The following TOP2A variants were observed in gnomAD, a reference collection of about 807,000 sequenced individuals.
TOP2A encodes the protein DNA topoisomerase 2-alpha.
A neutral mutation model predicts 187.2 loss-of-function variants in TOP2A; 68 were observed. That is an observed-to-expected ratio of 0.36 (90% CI 0.30 to 0.44). The LOEUF (loss-of-function observed/expected upper bound fraction) is 0.44, where lower values mean the gene tolerates loss of function less well. Among genes scored for constraint, TOP2A ranks in the 20% least tolerant of loss-of-function variants. The probability of loss-of-function intolerance (pLI) is 1.00; values close to 1 mark genes in which losing one functional copy is unlikely to be tolerated. For missense variants in TOP2A, 1,196 were observed against 1,808.7 expected, an observed-to-expected ratio of 0.66 and a Z score of 6.14; for synonymous variants, 542 against 593.2, an observed-to-expected ratio of 0.91 and a Z score of 1.25.
At chr17:40,390,193 G>A (rs1182788027) in intron 33 of TOP2A, 29 bp from the exon 34 acceptor site, 2 of 1,577,930 alleles carry the variant, frequency 1.3e-6, no homozygotes, top group Non-Finnish European at 1.7e-6. Flanking sequence ...ATTTGTCACA[G>A]CTGCTCTTTT....
At chr17:40,415,343 C>T (rs920797987) in intron 4 of TOP2A, among the ~76,000 whole-genome samples, 11 of 152,230 alleles carry the variant, frequency 7.2e-5, no homozygotes, top group Middle Eastern at 6.8e-3. Context: ...CATGAGCCAC[C>T]GTGCCTGGCC....
At chr17:40,403,870 T>C (rs987595442) in intron 19 of TOP2A, among the ~76,000 whole-genome samples, 1 of 152,236 alleles carries the variant, frequency 6.6e-6, no homozygotes, top group African/African-American at 2.4e-5. Context: ...CAATTTATTA[T>C]AACAATTTTC....
intron 33 of TOP2A, 27 bp from the exon 34 acceptor site, chr17:40,390,191 C>T: frequency 6.3e-7 from 1 of 1,581,382 alleles, no homozygotes; most frequent in African/African-American, 1.4e-5. Flanking sequence ...GCATTTGTCA[C>T]AGCTGCTCTT....
At chr17:40,390,782 C>T (rs1259714722) in intron 33 of TOP2A, among the ~76,000 whole-genome samples, 1 of 151,892 alleles carries the variant, frequency 6.6e-6, no homozygotes, top group African/African-American at 2.4e-5. Context: ...TGTGCCACCA[C>T]ACCTGGCTAA....
rs766110857 is a variant in TOP2A at position 40,398,630 on chromosome 17, C to T, written c.3465G>A (p.Leu1155=). The T allele has an allele frequency of 2.5e-6, 4 of 1,597,330 alleles. No homozygotes were observed. The South Asian group carries it at 3.4e-5, about 13-fold the overall frequency. The change falls in exon 27 of 35, where the codon CTG becomes CTA. Residue 1155 remains leucine (L), a synonymous_variant. Transcript: ENST00000423485. ...ATGGACTCTTTCTTTTTAATGTGTCCAGCTCTTGTTCCTTCATAAGATAAT... is the reference window on the plus strand; with the variant it reads ...ATGGACTCTTTCTTTTTAATGTGTCTAGCTCTTGTTCCTTCATAAGATAAT... ...CRLRNEKEQE[L]DTLKRKSPSD... is the part of the protein sequence containing the mutation.
chr17:40,409,720 C>A, intron 10 of TOP2A: 1 of 199,924 alleles, frequency 5.0e-6, no homozygotes, highest in Non-Finnish European at 1.0e-5. Flanking sequence ...GCAGAGATTG[C>A]AATGAGCCAG....
chr17:40,403,756 GTC>G (rs1048863444), intron 19 of TOP2A, among the ~76,000 whole-genome samples: 18 of 152,252 alleles, frequency 1.2e-4, no homozygotes, highest in African/African-American at 4.3e-4. Context: ...TTATTGTTCT[GTC>G]TCTTTTTTTC....
chr17:40,393,883 C>T (rs188592005), intron 29 of TOP2A, among the ~76,000 whole-genome samples: 104 of 152,148 alleles, frequency 6.8e-4, no homozygotes, highest in African/African-American at 2.4e-3. Flanking sequence ...TGGTGAAACC[C>T]TGTTTCTACT....
In TOP2A at chr17:40,389,611, A is replaced by C; in HGVS notation, c.4504T>G (p.Phe1502Val). The change falls in exon 35 of 35, where the codon TTT becomes GTT. Residue 1502 changes from phenylalanine (F) to valine (V), a missense_variant. Physicochemically the swap from Phe to Val is conservative, Grantham distance 50. Transcript: ENST00000423485. ...KGESDDFHMD[F>V]DSAVAPRAKS... ...GCCCGAGGAGCCACAGCTGAGTCAA[A>C]GTCCATATGGAAGTCATCACTCTCC... The C allele has an allele frequency of 1.2e-6, 2 of 1,609,244 alleles. No homozygotes were observed. The highest frequency in any genetic ancestry group is 1.7e-6 in the Non-Finnish European group (2 of 1,177,668).
intron 20 of TOP2A, 26 bp downstream of exon 20, chr17:40,402,880 T>C (rs1271537020): frequency 6.4e-7 from 1 of 1,561,932 alleles, no homozygotes; most frequent in Non-Finnish European, 8.7e-7. Context: ...AAATGGCAAG[T>C]CACTAGAAAG....
chr17:40,389,451 G>A lies in TOP2A; in HGVS notation c.*68C>T. 6.6e-7 allele frequency: 1 copy of A among 1,513,046 alleles called. No homozygotes were observed. The highest frequency in any genetic ancestry group is 8.9e-7 in the Non-Finnish European group (1 of 1,124,434). The allele number at this position is 1,513,046 out of a possible 1,614,324, so 93.7% of individuals were successfully genotyped here. ...AAATTCAGAGGGGAGGAAGTTAAGAGCTTCAGGTAACTTTAAAACCAGTCT... is the reference window on the plus strand; with the variant it reads ...AAATTCAGAGGGGAGGAAGTTAAGAACTTCAGGTAACTTTAAAACCAGTCT... On this transcript the variant is annotated 3_prime_UTR_variant, in exon 35 of 35. Coordinates refer to ENST00000423485, the MANE Select transcript of TOP2A (RefSeq NM_001067.4).
intron 27 of TOP2A, among the ~76,000 whole-genome samples, chr17:40,397,348 CA>C (rs2035114213): frequency 1.4e-5 from 2 of 146,804 alleles, no homozygotes; most frequent in Non-Finnish European, 1.5e-5. Flanking sequence ...TACAGTGGCG[CA>C]ATCTCGGCTC....
In TOP2A at chr17:40,388,904, T is replaced by C. The variant is rs1598605728; in HGVS notation, c.*615A>G. Reference sequence around the variant, plus strand: ...CTCTAATTTTCTTCATTCTATTGACTGTGTCAAGTTATAGACACAGCCAAA... The same window carrying C: ...CTCTAATTTTCTTCATTCTATTGACCGTGTCAAGTTATAGACACAGCCAAA... On this transcript the variant is annotated 3_prime_UTR_variant, in exon 35 of 35. Coordinates refer to ENST00000423485, the MANE Select transcript of TOP2A (RefSeq NM_001067.4). 1 of 203,970 alleles carries C rather than the reference T, an allele frequency of 4.9e-6. No individual in the cohort carries two copies. The highest frequency in any genetic ancestry group is 2.3e-5 in the African/African-American group (1 of 43,692). The allele number at this position is 203,970 out of a possible 1,614,324, so 12.6% of individuals were successfully genotyped here. A position where few individuals can be genotyped will look rare whatever the true frequency, so the allele number is the denominator to read the frequency against.
rs1463699224 is a variant in TOP2A, at chr17:40,398,918, T to C, written c.3308A>G (p.Asn1103Ser). The C allele has an allele frequency of 2.5e-6, 4 of 1,608,182 alleles. No individual in the cohort carries two copies. Among genetic ancestry groups the C allele is most frequent in the East Asian group, 2.2e-5 (1 of 44,842 alleles). The change falls in exon 26 of 35, where the codon AAT (asparagine) becomes AGT (serine). Residue 1103 changes from asparagine (N) to serine (S), a missense_variant. Physicochemically the swap from Asn to Ser is conservative, Grantham distance 46. Transcript: ENST00000423485. ...TTCCTTTTCGTTGTCACTCTCTTCA[T>C]TTTCTTCTTCATCTGGAACCTAAAG... ...AQQKVPDEEENEESDNEKETE... is the reference protein window; with the variant it reads ...AQQKVPDEEESEESDNEKETE...
chr17:40,395,144 G>T (rs184122189), intron 29 of TOP2A, among the ~76,000 whole-genome samples: 7 of 152,022 alleles, frequency 4.6e-5, no homozygotes, highest in Non-Finnish European at 8.8e-5. Context: ...GCAGCCAGGC[G>T]TGGTGGCATG....
chr17:40,389,821 T>G, intron 34 of TOP2A, 144 bp downstream of exon 34: 1 of 1,244,288 alleles, frequency 8.0e-7, no homozygotes, highest in Non-Finnish European at 1.1e-6. Flanking sequence ...TATTTAACTT[T>G]GTTAAAACTA....
rs753225568 is a variant in TOP2A at position 40,411,450 on chromosome 17, G to A, written c.969C>T (p.Gly323=). The A allele has an allele frequency of 1.2e-6, 2 of 1,613,274 alleles. No homozygotes were observed. Among genetic ancestry groups the A allele is most frequent in the South Asian group, 2.2e-5 (2 of 91,070 alleles). The change falls in exon 9 of 35, where the codon GGC becomes GGT. Residue 323 remains glycine (G), a synonymous_variant. Transcript: ENST00000423485. The surrounding 1 kb of genome is among the most constrained non-coding windows in gnomAD (Gnocchi z 4.4). ...GATCAGCTACATAATCAACATGTCT[G>A]CCACCCTAATAAGGAAAAATACCAA... ...FVNSIATSKG[G]RHVDYVADQI...
At chr17:40,408,683 T>C (rs2035278383) in intron 10 of TOP2A, 53 bp from the exon 11 acceptor site, 1 of 1,562,064 alleles carries the variant, frequency 6.4e-7, no homozygotes, top group Admixed American at 1.7e-5. Flanking sequence ...AAGGGATCTA[T>C]CAGAAATCTA....
In TOP2A at chr17:40,411,713, C is replaced by A; in HGVS notation, c.895G>T (p.Val299Leu). 3 of 1,613,436 alleles carry A rather than the reference C, an allele frequency of 1.9e-6. No homozygotes were observed. The highest frequency in any genetic ancestry group is 2.5e-6 in the Non-Finnish European group (3 of 1,179,704). The change falls in exon 8 of 35, where the codon GTG (valine) becomes TTG (leucine). Residue 299 changes from valine (V) to leucine (L), a missense_variant. Val to Leu is a conservative substitution (Grantham distance 32). Transcript: ENST00000423485. The surrounding 1 kb of genome is among the most constrained non-coding windows in gnomAD (Gnocchi z 4.4). The part of the protein sequence containing the change: ...IHEQVNHRWE[V>L]CLTMSEKGFQ... ...CCTTTTTCACTCATAGTTAAACACA[C>A]TTCCCACCTGTGGTTTACTTGTTCA...
Sources: allele counts gnomAD v4.1 joint callset (sites outside exome capture counted in the v4.1 genomes callset), GRCh38; gene constraint gnomAD v4.1.1; non-coding constraint Gnocchi (gnomAD v3.1); transcripts MANE v1.5; gene names NCBI Gene and HGNC (gene_info 2026-07-23, HGNC 2026-07-21).